Variants in PIK3C2B observed in about 807,000 individuals in gnomAD.
PIK3C2B encodes phosphatidylinositol 4-phosphate 3-kinase C2 domain-containing subunit beta.
A neutral mutation model predicts 184.3 loss-of-function variants in PIK3C2B; 83 were observed. The ratio of observed to expected loss-of-function variants is 0.45; its 90% CI spans 0.38 to 0.54. The LOEUF is 0.54. Among genes scored for constraint, PIK3C2B ranks in the 20% least tolerant of loss-of-function variants. The pLI is 0.00. For synonymous variants in PIK3C2B, 779 were observed against 837.6 expected (o/e 0.93, Z 1.21); for missense variants, 1,736 against 2,113.5 (o/e 0.82, Z 3.50).
intron 1 of PIK3C2B, among the ~76,000 whole-genome samples, chr1:204,482,309 G>A (rs1264072103): frequency 2.0e-5 from 3 of 152,190 alleles, no homozygotes; most frequent in Non-Finnish European, 4.4e-5. Context: ...GGTTGATCCA[G>A]GTGGCCACGG....
At chr1:204,440,431 A>G (rs1558239479) in intron 21 of PIK3C2B, 110 bp from the exon 22 acceptor site, 3 of 1,152,390 alleles carry the variant, frequency 2.6e-6, no homozygotes, top group Admixed American at 5.0e-5. Flanking sequence ...GGAGTTCCCC[A>G]GCCTCACACC....
At chr1:204,454,614 G>T in intron 12 of PIK3C2B, 55 bp downstream of exon 12, 1 of 1,595,094 alleles carries the variant, frequency 6.3e-7, no homozygotes, top group Non-Finnish European at 8.5e-7. Context: ...GGATATTTCA[G>T]AGGCTGAGCA....
intron 21 of PIK3C2B, 30 bp from the exon 22 acceptor site, chr1:204,440,351 A>G: frequency 6.5e-7 from 1 of 1,548,624 alleles, no homozygotes; most frequent in African/African-American, 1.4e-5. Flanking sequence ...GACCAGATCT[A>G]ATCTCCACTA....
intron 11 of PIK3C2B, among the ~76,000 whole-genome samples, chr1:204,455,110 G>C (rs1019355496): frequency 6.6e-6 from 1 of 152,244 alleles, no homozygotes; most frequent in African/African-American, 2.4e-5. Flanking sequence ...GTGCGTGCGT[G>C]TGTGCGCGTG....
Position 204,457,850 on chromosome 1 carries a change from T to C in PIK3C2B, c.1591A>G (p.Arg531Gly). ...ATGGCCTTGACGGACTGGACCACCC[T>C]GTCAGCCTTCAGTGGGAAGTCTCCC... ...ADGDFPLKADRVVQSVKAICN... is the reference protein window; with the variant it reads ...ADGDFPLKADGVVQSVKAICN... Residue 531 changes from arginine to glycine, a missense_variant, in exon 9 of 33, where the codon AGG becomes GGG. Arg to Gly is a moderately radical substitution (Grantham distance 125, BLOSUM62 -2). Coordinates refer to ENST00000684373, the MANE Select transcript of PIK3C2B (RefSeq NM_001377334.1). 6.2e-7 allele frequency: 1 copy of C among 1,613,232 alleles called. No individual in the cohort carries two copies. The highest frequency in any genetic ancestry group is 8.5e-7 in the Non-Finnish European group (1 of 1,179,758).
intron 12 of PIK3C2B, among the ~76,000 whole-genome samples, chr1:204,451,350 C>T (rs1654339182): frequency 6.6e-6 from 1 of 152,214 alleles, no homozygotes; most frequent in African/African-American, 2.4e-5. Flanking sequence ...AGTGAGAAGA[C>T]TTTATGAGTG....
At chr1:204,472,793 T>A (rs1656399492) in intron 1 of PIK3C2B, among the ~76,000 whole-genome samples, 1 of 151,996 alleles carries the variant, frequency 6.6e-6, no homozygotes, top group Non-Finnish European at 1.5e-5. Context: ...AAAAACAAAG[T>A]ACTGAAGCCT....
intron 1 of PIK3C2B, among the ~76,000 whole-genome samples, chr1:204,480,605 G>C (rs924324773): frequency 3.3e-5 from 5 of 152,014 alleles, no homozygotes; most frequent in African/African-American, 1.2e-4. Flanking sequence ...CTCCCAGGTG[G>C]TGGTGCTGTC....
Position 204,491,976 on chromosome 1 carries a change from T to C in PIK3C2B, c.-85+2380A>G, listed in dbSNP as rs1229614508. Among the ~76,000 whole-genome samples, 6 of 152,284 alleles carry C rather than the reference T, an allele frequency of 3.9e-5. 1 individual carries two copies. The highest frequency in any genetic ancestry group is 3.9e-4 in the East Asian group (2 of 5,184). ...CCCAGTTCCCATCCTGCCAACACTA[T>C]TTAAAGAAAAATACCCAAGGAATAC... On this transcript the variant is annotated intron_variant, in intron 1 of 32. Coordinates refer to ENST00000684373, the MANE Select transcript of PIK3C2B (RefSeq NM_001377334.1).
At position 204,434,592 on chromosome 1, in the gene PIK3C2B, A is replaced by G. The variant is rs756753122; in HGVS notation, c.3533T>C (p.Ile1178Thr). Residue 1178 changes from isoleucine (I) to threonine (T), a missense_variant, in exon 24 of 33, where the codon ATC becomes ACC. By Grantham distance (89) the Ile-to-Thr change is moderately conservative. This residue lies in a region of PIK3C2B where 289 missense variants were observed against 380.4 expected (regional missense o/e 0.76). Transcript: ENST00000684373. ...CACGCAGCAGCCAGCGCAGGAGTAG[A>G]TAAAGTTCTCCACAGCCTGGGAGGG... The part of the protein sequence containing the change: ...DEYEKAVENF[I>T]YSCAGCCVAT... 1.2e-6 allele frequency: 2 copies of G among 1,613,484 alleles called. No homozygotes were observed. The highest frequency in any genetic ancestry group is 4.5e-5 in the East Asian group (2 of 44,866).
At chr1:204,468,335 GC>G (rs1655991159) in intron 2 of PIK3C2B, among the ~76,000 whole-genome samples, 1 of 152,284 alleles carries the variant, frequency 6.6e-6, no homozygotes, top group South Asian at 2.1e-4. Flanking sequence ...CTGAATGCTG[GC>G]CCTGCTATTG....
chr1:204,444,222 CTTA>C (rs1447826186), intron 17 of PIK3C2B, 60 bp from the exon 18 acceptor site: 2 of 1,431,232 alleles, frequency 1.4e-6, no homozygotes, highest in African/African-American at 1.4e-5. Flanking sequence ...GTAACCTACA[CTTA>C]TTATTATTGC....
intron 2 of PIK3C2B, chr1:204,467,034 G>C (rs751313040): frequency 2.2e-6 from 1 of 455,270 alleles, no homozygotes; most frequent in Non-Finnish European, 4.5e-6. Flanking sequence ...GACCAAGGCC[G>C]CATTTCCCCA....
rs61761723 is a variant in PIK3C2B, at chr1:204,459,648, C to T, written c.1566+230G>A. Among the ~76,000 whole-genome samples, 1,458 of 152,274 alleles carry T rather than the reference C, an allele frequency of 9.6e-3. 21 individuals are homozygous for T. Among genetic ancestry groups the T allele is most frequent in the African/African-American group, 0.033 (1,376 of 41,542 alleles). ...GAGAATGGGACCAGCATGCAGTTTC[C>T]GACCTGCTTCTTCTATAGAGGAGCA... On this transcript the variant is annotated intron_variant, in intron 8 of 32. Coordinates refer to ENST00000684373, the MANE Select transcript of PIK3C2B (RefSeq NM_001377334.1).
At chr1:204,430,873 C>T (rs1332560845) in intron 28 of PIK3C2B, among the ~76,000 whole-genome samples, 3 of 152,138 alleles carry the variant, frequency 2.0e-5, no homozygotes, top group African/African-American at 4.8e-5. Context: ...AGGCTGCTCT[C>T]GAACTCCTGA....
chr1:204,489,687 G>A (rs921501280), intron 1 of PIK3C2B: 1 of 380,286 alleles, frequency 2.6e-6, no homozygotes, highest in South Asian at 1.5e-4. Flanking sequence ...TGGCGAGTCA[G>A]GAATGGGACA....
rs377033767 is a variant in PIK3C2B at position 204,463,977 on chromosome 1, G to T, written c.1310+35C>A. ...AAGCCCCCTCACAATCTTACTACCA[G>T]GAAGGCAGGGGCTACCTCCCACCCA... On this transcript the variant is annotated intron_variant, in intron 5 of 32. Transcript: ENST00000684373. The T allele has an allele frequency of 5.0e-6, 8 of 1,607,888 alleles. No homozygotes were observed. In the African/African-American group the frequency reaches 1.1e-4, roughly 21 times the overall value.
At chr1:204,439,222 G>C in intron 22 of PIK3C2B, 151 bp from the exon 23 acceptor site, 1 of 769,852 alleles carries the variant, frequency 1.3e-6, no homozygotes. Flanking sequence ...AATAACCATA[G>C]AAAGGAAGGT....
chr1:204,457,179 A>T, intron 9 of PIK3C2B, 109 bp from the exon 10 acceptor site: 1 of 863,834 alleles, frequency 1.2e-6, no homozygotes, highest in East Asian at 2.7e-5. Flanking sequence ...AATGGGCTGA[A>T]ATGTGAGTAG....
Sources: allele counts gnomAD v4.1 joint callset (sites outside exome capture counted in the v4.1 genomes callset), GRCh38; gene constraint gnomAD v4.1.1; regional missense constraint gnomAD v4.1.1; transcripts MANE v1.5; gene names NCBI Gene and HGNC (gene_info 2026-07-23, HGNC 2026-07-21).